SIPA1L1: variants seen among roughly 807,000 people sequenced by gnomAD.
SIPA1L1 encodes signal-induced proliferation-associated 1-like protein 1.
A neutral mutation model predicts 162.7 loss-of-function variants in SIPA1L1; 26 were observed. The ratio of observed to expected loss-of-function variants is 0.16; its 90% CI spans 0.12 to 0.22. The LOEUF is 0.22. Among genes scored for constraint, SIPA1L1 ranks in the 10% least tolerant of loss-of-function variants. SIPA1L1 has a pLI of 1.00. For missense variants in SIPA1L1, 1,874 were observed against 2,241.0 expected (o/e 0.84, Z 3.31); for synonymous variants, 829 against 837.4 (o/e 0.99, Z 0.17).
chr14:71,658,815 T>A (rs1208069418), intron 9 of SIPA1L1, among the ~76,000 whole-genome samples: 1 of 152,246 alleles, frequency 6.6e-6, no homozygotes, highest in African/African-American at 2.4e-5. Flanking sequence ...AGGAAAGTTC[T>A]GAGGTTGCAT....
chr14:71,684,325 C>T (rs1470874573), intron 12 of SIPA1L1, among the ~76,000 whole-genome samples: 1 of 152,196 alleles, frequency 6.6e-6, no homozygotes, highest in Non-Finnish European at 1.5e-5. Flanking sequence ...AAGAGTGGCA[C>T]CTTCCATTGT....
At chr14:71,706,307 C>T (rs940318444) in intron 16 of SIPA1L1, among the ~76,000 whole-genome samples, 2 of 152,108 alleles carry the variant, frequency 1.3e-5, no homozygotes, top group African/African-American at 4.8e-5. Flanking sequence ...CCCAATTGAT[C>T]TATAAATTTC....
At chr14:71,692,982 T>C (rs1457357423) in intron 13 of SIPA1L1, among the ~76,000 whole-genome samples, 2 of 152,142 alleles carry the variant, frequency 1.3e-5, no homozygotes, top group East Asian at 3.9e-4. Context: ...AACATCCCCA[T>C]GACTCAAGTA....
intron 4 of SIPA1L1, among the ~76,000 whole-genome samples, chr14:71,544,264 T>TC (rs1567181855): frequency 2.7e-4 from 29 of 107,072 alleles, no homozygotes; most frequent in Admixed American, 1.3e-3. Flanking sequence ...ATACACATGA[T>TC]ATGTGTATAT....
intron 2 of SIPA1L1, among the ~76,000 whole-genome samples, chr14:71,332,905 C>T (rs2034713400): frequency 6.6e-6 from 1 of 151,910 alleles, no homozygotes; most frequent in African/African-American, 2.4e-5. Context: ...AAGATTTAGG[C>T]CTTTTTATAG....
In SIPA1L1 at chr14:71,685,532, G is replaced by A. The variant is rs773400780; in HGVS notation, c.3275G>A (p.Arg1092Gln). Reference sequence around the variant, plus strand: ...CAGGTGCAGAGTCCCATGACCTCGCGGCTGAATGCTGGAAAAGGAGATGGG... The same window carrying A: ...CAGGTGCAGAGTCCCATGACCTCGCAGCTGAATGCTGGAAAAGGAGATGGG... Reference protein sequence around the residue: ...PSQVQSPMTSRLNAGKGDGKM... With the variant: ...PSQVQSPMTSQLNAGKGDGKM... The change falls in exon 13 of 24, where the codon CGG becomes CAG. Residue 1092 changes from arginine (R) to glutamine (Q), a missense_variant. By Grantham distance (43) the Arg-to-Gln change is conservative. Coordinates refer to ENST00000381232, the MANE Select transcript of SIPA1L1 (RefSeq NM_001386936.1). The A allele has an allele frequency of 2.0e-5, 33 of 1,614,016 alleles. No homozygotes were observed. Among genetic ancestry groups the A allele is most frequent in the East Asian group, 2.2e-5 (1 of 44,894 alleles).
intron 1 of SIPA1L1, 73 bp from the exon 2 acceptor site, chr14:71,321,049 C>G (rs1236577026): frequency 6.6e-6 from 1 of 152,132 alleles, no homozygotes; most frequent in African/African-American, 2.4e-5. Flanking sequence ...TCGGGCCGGC[C>G]TCGCCGCTCT....
At chr14:71,693,550 T>A (rs1002173069) in intron 13 of SIPA1L1, among the ~76,000 whole-genome samples, 1 of 151,526 alleles carries the variant, frequency 6.6e-6, no homozygotes, top group Non-Finnish European at 1.5e-5. Context: ...CTGGTATGAA[T>A]TATGTGGTTA....
chr14:71,640,976 G>A (rs1448034707), intron 7 of SIPA1L1, among the ~76,000 whole-genome samples: 1 of 152,172 alleles, frequency 6.6e-6, no homozygotes, highest in Non-Finnish European at 1.5e-5. Context: ...TCATTTAAAA[G>A]TAGATATGTT....
chr14:71,665,888 T>C (rs1029718433), intron 10 of SIPA1L1, among the ~76,000 whole-genome samples: 12 of 152,190 alleles, frequency 7.9e-5, no homozygotes, highest in African/African-American at 2.9e-4. Context: ...TATACTTTAA[T>C]AATAGTTATA....
At chr14:71,732,310 A>C (rs2084867244) in intron 20 of SIPA1L1, among the ~76,000 whole-genome samples, 1 of 152,200 alleles carries the variant, frequency 6.6e-6, no homozygotes, top group African/African-American at 2.4e-5. Flanking sequence ...CTAGCTGAGC[A>C]TTTAGCTTTA....
chr14:71,435,035 A>G (rs2044270384), intron 2 of SIPA1L1, among the ~76,000 whole-genome samples: 1 of 152,176 alleles, frequency 6.6e-6, no homozygotes, highest in Non-Finnish European at 1.5e-5. Flanking sequence ...TACAGTGGCT[A>G]TCCTTGAGCT....
At chr14:71,577,245 G>A (rs988871653) in intron 4 of SIPA1L1, among the ~76,000 whole-genome samples, 107 of 152,184 alleles carry the variant, frequency 7.0e-4, no homozygotes, top group African/African-American at 1.9e-3. Flanking sequence ...TCATGCCTGC[G>A]CTGGACTGCA....
intron 2 of SIPA1L1, among the ~76,000 whole-genome samples, chr14:71,351,767 A>T (rs2036734126): frequency 6.6e-6 from 1 of 152,160 alleles, no homozygotes; most frequent in Non-Finnish European, 1.5e-5. Context: ...TTGAATCCAC[A>T]AACATAATTA....
intron 2 of SIPA1L1, among the ~76,000 whole-genome samples, chr14:71,468,235 A>C (rs953628108): frequency 1.3e-4 from 20 of 152,250 alleles, no homozygotes; most frequent in African/African-American, 4.8e-4. Flanking sequence ...AGCTAGAGCC[A>C]TATTTAAATA....
At chr14:71,634,618 G>A (rs142181460) in intron 7 of SIPA1L1, among the ~76,000 whole-genome samples, 260 of 152,050 alleles carry the variant, frequency 1.7e-3, no homozygotes, top group African/African-American at 5.9e-3. Flanking sequence ...AAGAGAACTT[G>A]TTACCAGGAA....
chr14:71,409,100 A>G (rs1290528163), intron 2 of SIPA1L1, among the ~76,000 whole-genome samples: 1 of 152,212 alleles, frequency 6.6e-6, no homozygotes, highest in African/African-American at 2.4e-5. Flanking sequence ...CTTCAGGTTC[A>G]ACATTCTGTT....
chr14:71,449,276 C>T (rs2141469218), intron 2 of SIPA1L1, among the ~76,000 whole-genome samples: 1 of 152,302 alleles, frequency 6.6e-6, no homozygotes, highest in East Asian at 1.9e-4. Flanking sequence ...GAAATTTAAA[C>T]TCTAGTTATG....
At chr14:71,348,926 A>G (rs2036437204) in intron 2 of SIPA1L1, among the ~76,000 whole-genome samples, 1 of 152,192 alleles carries the variant, frequency 6.6e-6, no homozygotes, top group Admixed American at 6.5e-5. Context: ...AATTTGAGGA[A>G]CCGCAGTTGG....
Sources: gnomAD v4.1 joint callset for allele counts (sites outside exome capture counted in the v4.1 genomes callset) on GRCh38, gnomAD v4.1.1 for gene constraint, MANE v1.5 for transcripts, NCBI Gene and HGNC (gene_info 2026-07-23, HGNC 2026-07-21) for gene names.